FGF13: variants seen among roughly 807,000 people sequenced by gnomAD.
FGF13 encodes fibroblast growth factor 13.
In FGF13, 2 loss-of-function variants were observed where a neutral mutation model predicts 19.5. The observed-to-expected ratio is 0.10, with a 90% CI of 0.04 to 0.32. FGF13 has a LOEUF of 0.32. FGF13 is among the 10% of genes least tolerant of loss of function. FGF13 has a pLI of 1.00. For synonymous variants in FGF13, 72 were observed against 76.9 expected (o/e 0.94, Z 0.33); for missense variants, 113 against 192.7 (o/e 0.59, Z 2.45).
At chrX:138,846,642 C>A (rs2091185847) in intron 3 of FGF13, among the ~76,000 whole-genome samples, 2 of 111,617 alleles carry the variant, frequency 1.8e-5, no homozygotes. Flanking sequence ...GTACAGCCTG[C>A]AGAACTGTGA....
At chrX:138,877,056 T>A (rs977912488) in intron 1 of FGF13, among the ~76,000 whole-genome samples, 8 of 111,139 alleles carry the variant, frequency 7.2e-5, no homozygotes, top group Non-Finnish European at 1.5e-4. Flanking sequence ...TAACTGGGAG[T>A]TGAACAATGA....
At chrX:139,142,155 T>A (rs910945575) in intron 1 of FGF13, among the ~76,000 whole-genome samples, 3 of 112,156 alleles carry the variant, frequency 2.7e-5, no homozygotes, top group African/African-American at 9.7e-5. Flanking sequence ...GTCTGTCACC[T>A]GAATATAAAG....
chrX:138,797,428 G>C (rs1473221237), intron 3 of FGF13, among the ~76,000 whole-genome samples: 1 of 111,037 alleles, frequency 9.0e-6, no homozygotes, highest in Admixed American at 9.6e-5. Context: ...TATCTATTTT[G>C]GTATCAGTAC....
intron 3 of FGF13, among the ~76,000 whole-genome samples, chrX:138,807,810 C>T (rs1240799606): frequency 4.5e-5 from 5 of 111,566 alleles, no homozygotes; most frequent in Middle Eastern, 4.6e-3. Flanking sequence ...TCTGATAAAA[C>T]AGACTTTAAA....
At chrX:138,933,685 C>T (rs1206229922) in intron 1 of FGF13, among the ~76,000 whole-genome samples, 2 of 73,869 alleles carry the variant, frequency 2.7e-5, no homozygotes, top group East Asian at 5.3e-4. Context: ...GGTCTTTATG[C>T]GAATTGGTCT....
chrX:138,654,464 G>T (rs1487814384), intron 3 of FGF13, among the ~76,000 whole-genome samples: 1 of 111,827 alleles, frequency 8.9e-6, no homozygotes, highest in Non-Finnish European at 1.9e-5. Flanking sequence ...TGATGGGCTG[G>T]GCATGGTGGC....
chrX:139,077,033 A>G (rs772470155), intron 1 of FGF13, among the ~76,000 whole-genome samples: 1 of 111,966 alleles, frequency 8.9e-6, no homozygotes, highest in African/African-American at 3.2e-5. Context: ...GGGGAACCGC[A>G]GGGCTGTTTG....
chrX:139,016,769 T>C (rs770233972), intron 1 of FGF13, among the ~76,000 whole-genome samples: 40 of 111,535 alleles, frequency 3.6e-4, no homozygotes, highest in African/African-American at 1.1e-3. Context: ...GGTCTCCAGT[T>C]TGCCTTTTGC....
chrX:139,096,958 A>G (rs2083474410), intron 1 of FGF13, among the ~76,000 whole-genome samples: 2 of 112,055 alleles, frequency 1.8e-5, no homozygotes, highest in Admixed American at 1.9e-4. Flanking sequence ...ACAAGACAAG[A>G]ATATTTCCCA....
At chrX:139,158,030 T>C (rs1220941879) in intron 1 of FGF13, among the ~76,000 whole-genome samples, 1 of 111,607 alleles carries the variant, frequency 9.0e-6, no homozygotes, top group African/African-American at 3.3e-5. Context: ...CCCTAGCCAA[T>C]GGAAGCCCTG....
At chrX:139,175,237 C>T (rs2084170623) in intron 1 of FGF13, among the ~76,000 whole-genome samples, 2 of 111,692 alleles carry the variant, frequency 1.8e-5, no homozygotes, top group Non-Finnish European at 3.8e-5. Context: ...GATTTTTGTA[C>T]ATTGATTTTG....
rs1349241717 is a variant in FGF13 at position 138,692,691 on chromosome X, C to T, written c.402+10293G>A. 2.7e-5 allele frequency among the ~76,000 whole-genome samples: 3 copies of T among 109,331 alleles called. No homozygotes were observed. In the East Asian group the frequency reaches 8.5e-4, roughly 31 times the overall value. 94.9% of individuals were successfully genotyped at this position (109,331 alleles called of 115,157 possible). On this transcript the variant is annotated intron_variant, in intron 3 of 4. Transcript: ENST00000315930. ...TATAACATTACATTTTTCCATTTGT[C>T]TTTCTTATATGTGTGTGTGCATGTG...
chrX:138,967,366 A>G (rs932086605), intron 1 of FGF13, among the ~76,000 whole-genome samples: 1 of 111,395 alleles, frequency 9.0e-6, no homozygotes, highest in East Asian at 2.8e-4. Context: ...GCTTACAAAA[A>G]ATCATTGCAC....
intron 3 of FGF13, among the ~76,000 whole-genome samples, chrX:138,671,512 C>T (rs2089611402): frequency 9.0e-6 from 1 of 111,640 alleles, no homozygotes; most frequent in African/African-American, 3.3e-5. Context: ...TTGTAGGCAA[C>T]ATTTATTGAG....
At chrX:138,801,566 G>A (rs2090829647) in intron 3 of FGF13, among the ~76,000 whole-genome samples, 1 of 111,906 alleles carries the variant, frequency 8.9e-6, no homozygotes, top group Admixed American at 9.4e-5. Flanking sequence ...GGGGTTCAGG[G>A]ACCCACTTGA....
At chrX:139,172,036 G>A (rs753386637) in intron 1 of FGF13, among the ~76,000 whole-genome samples, 29 of 111,267 alleles carry the variant, frequency 2.6e-4, no homozygotes, top group Admixed American at 4.8e-4. Context: ...AATGTGTTTT[G>A]TCCCCAGTGG....
intron 2 of FGF13, among the ~76,000 whole-genome samples, chrX:138,704,880 C>T (rs766135319): frequency 3.6e-5 from 4 of 112,612 alleles, no homozygotes; most frequent in Non-Finnish European, 7.5e-5. Context: ...AGAAGTCTGA[C>T]ATCTCTGAGC....
intron 1 of FGF13, 96 bp downstream of exon 1, chrX:138,710,721 G>A: frequency 8.7e-7 from 1 of 1,144,974 alleles, no homozygotes; most frequent in Non-Finnish European, 1.2e-6. Context: ...CACAAGATGG[G>A]CCACCAACAA....
intron 3 of FGF13, among the ~76,000 whole-genome samples, chrX:138,752,389 G>T (rs1318184332): frequency 9.0e-6 from 1 of 110,774 alleles, no homozygotes; most frequent in Non-Finnish European, 1.9e-5. Flanking sequence ...TTGTGCCACT[G>T]CACTCCAGCC....
Sources: gnomAD v4.1 joint callset for allele counts (sites outside exome capture counted in the v4.1 genomes callset) on GRCh38, gnomAD v4.1.1 for gene constraint, MANE v1.5 for transcripts, NCBI Gene and HGNC (gene_info 2026-07-23, HGNC 2026-07-21) for gene names.